The following SNX31 variants were observed in gnomAD, a reference collection of about 807,000 sequenced individuals.
SNX31 encodes sorting nexin-31.
SNX31 carries 58 observed loss-of-function variants against 65.4 expected under a neutral mutation model. The ratio of observed to expected loss-of-function variants is 0.89; its 90% confidence interval spans 0.72 to 1.10. The LOEUF is 1.10. Ranked by LOEUF, SNX31 falls within the 50% of genes least tolerant of loss-of-function variation. SNX31 has a pLI of 0.00. For synonymous variants in SNX31, 181 were observed against 190.1 expected, an observed-to-expected ratio of 0.95 and a Z score of 0.39; for missense variants, 523 against 529.7, an observed-to-expected ratio of 0.99 and a Z score of 0.12.
At chr8:100,587,027 C>T (rs191464974) in intron 11 of SNX31, among the ~76,000 whole-genome samples, 4 of 152,292 alleles carry the variant, frequency 2.6e-5, no homozygotes, top group Admixed American at 1.3e-4. Flanking sequence ...TAGTTGGCTA[C>T]CCAACAGCCA....
chr8:100,591,963 CA>C (rs1277898449), intron 10 of SNX31, among the ~76,000 whole-genome samples: 1 of 152,022 alleles, frequency 6.6e-6, no homozygotes, highest in African/African-American at 2.4e-5. Context: ...TAGCATGCCA[CA>C]AAAAATTACT....
chr8:100,612,162 A>G lies in SNX31; in HGVS notation c.524-75T>C. 1 of 859,286 alleles carries G rather than the reference A, an allele frequency of 1.2e-6. No homozygotes were observed. Among genetic ancestry groups the G allele is most frequent in the Non-Finnish European group, 1.9e-6 (1 of 524,794 alleles). The allele number at this position is 859,286 out of a possible 1,614,324, so 53.2% of individuals were successfully genotyped here. On this transcript the variant is annotated intron_variant, in intron 6 of 13. Transcript: ENST00000311812. The surrounding 1 kb of genome is among the most constrained non-coding windows in gnomAD (Gnocchi z 4.3). The stretch of plus-strand genomic sequence containing the variant: ...TTATATATAGCAGCTTTCAAATGAG[A>G]AAATAAAACCTTATTATTGGAAATA...
chr8:100,599,907 A>C (rs975270065), intron 9 of SNX31, among the ~76,000 whole-genome samples: 1 of 152,202 alleles, frequency 6.6e-6, no homozygotes, highest in Non-Finnish European at 1.5e-5. Context: ...TTCAGCCAGG[A>C]ACTGTACCAG....
chr8:100,632,589 T>G (rs1383406062), intron 3 of SNX31, among the ~76,000 whole-genome samples: 1 of 152,130 alleles, frequency 6.6e-6, no homozygotes, highest in Non-Finnish European at 1.5e-5. Flanking sequence ...TTTCTTGAGC[T>G]ACAAAGGACA....
At chr8:100,624,368 A>G (rs984023315) in intron 4 of SNX31, among the ~76,000 whole-genome samples, 3 of 152,204 alleles carry the variant, frequency 2.0e-5, no homozygotes, top group African/African-American at 7.2e-5. Context: ...GAAAGCTGTA[A>G]GATTTGAAAG....
chr8:100,605,325 G>A (rs752262671), intron 8 of SNX31, among the ~76,000 whole-genome samples: 2 of 152,138 alleles, frequency 1.3e-5, no homozygotes, highest in Non-Finnish European at 2.9e-5. Context: ...TCTGGGGAGA[G>A]CCAAGGCAGG....
chr8:100,607,864 C>T (rs559970420), intron 8 of SNX31, among the ~76,000 whole-genome samples: 16 of 152,198 alleles, frequency 1.1e-4, no homozygotes, highest in African/African-American at 2.4e-4. Flanking sequence ...AGTTGGTAAC[C>T]GCGATCATTA....
Position 100,612,905 on chromosome 8 carries a change from G to T in SNX31, c.523+90C>A. 4 of 1,079,062 alleles carry T rather than the reference G, an allele frequency of 3.7e-6. No individual in the cohort carries two copies. The Admixed American group carries it at 6.8e-5, about 18-fold the overall frequency. 66.8% of individuals were successfully genotyped at this position (1,079,062 alleles called of 1,614,324 possible). A position where few individuals can be genotyped will look rare whatever the true frequency, so the allele number is the denominator to read the frequency against. ...TGGTAGGGATCACAGCCCAGTGGGT[G>T]GCCAGCCCCTCAGCTGTGACTCCTA... On this transcript the variant is annotated intron_variant, in intron 6 of 13. Coordinates refer to ENST00000311812, the MANE Select transcript of SNX31 (RefSeq NM_152628.4). This position sits in a 1 kb window ranked among gnomAD's most constrained non-coding sequence, Gnocchi z 4.3.
chr8:100,634,110 C>T (rs1311141555), intron 3 of SNX31, among the ~76,000 whole-genome samples: 1 of 152,144 alleles, frequency 6.6e-6, no homozygotes, highest in African/African-American at 2.4e-5. Context: ...TCTTTAAGTG[C>T]CAGTTTTGCC....
intron 10 of SNX31, among the ~76,000 whole-genome samples, chr8:100,589,360 T>C (rs1814366330): frequency 6.6e-6 from 1 of 150,524 alleles, no homozygotes; most frequent in Non-Finnish European, 1.5e-5. Context: ...TGAGGGAGAC[T>C]GTCCCTATTT....
chr8:100,596,974 G>C (rs1253866948), intron 9 of SNX31, 132 bp from the exon 10 acceptor site: 4 of 752,942 alleles, frequency 5.3e-6, no homozygotes, highest in African/African-American at 5.2e-5. Flanking sequence ...CACAGTGAAA[G>C]CTCCTTTTCT....
intron 2 of SNX31, among the ~76,000 whole-genome samples, chr8:100,641,082 T>G (rs888383060): frequency 8.8e-6 from 1 of 113,976 alleles, no homozygotes; most frequent in Non-Finnish European, 1.8e-5. Flanking sequence ...TAAAACTGTT[T>G]CAAAAATTAA....
chr8:100,659,332 C>A (rs987103690), intron 1 of SNX31, among the ~76,000 whole-genome samples: 1 of 118,706 alleles, frequency 8.4e-6, no homozygotes. Context: ...CCAGCCTGGG[C>A]GACAGAGCAA....
At chr8:100,657,643 G>A (rs1820073152) in intron 1 of SNX31, 1 of 455,942 alleles carries the variant, frequency 2.2e-6, no homozygotes, top group Non-Finnish European at 4.4e-6. Context: ...GGAGGGCTTG[G>A]GAGCCAGTCT....
intron 2 of SNX31, among the ~76,000 whole-genome samples, chr8:100,647,246 G>C (rs1362554597): frequency 6.6e-6 from 1 of 152,114 alleles, no homozygotes; most frequent in Non-Finnish European, 1.5e-5. Flanking sequence ...ACTATTTTGA[G>C]AAATCTGGGA....
chr8:100,658,870 C>T (rs1408345825), intron 1 of SNX31, among the ~76,000 whole-genome samples: 1 of 152,188 alleles, frequency 6.6e-6, no homozygotes, highest in Non-Finnish European at 1.5e-5. Flanking sequence ...TTGATCACTC[C>T]TGGTGGGACC....
rs1359242792 is a variant in SNX31, at chr8:100,648,686, T to C, written c.141+588A>G. On this transcript the variant is annotated intron_variant, in intron 2 of 13. Coordinates refer to ENST00000311812, the MANE Select transcript of SNX31 (RefSeq NM_152628.4). The surrounding 1 kb of genome is among the most constrained non-coding windows in gnomAD (Gnocchi z 4.3). ...AAATCAGTCTGCCTCCCAGAGAAAATACTGTCAAGACAGCAGGGTGAGAAA... is the reference window on the plus strand; with the variant it reads ...AAATCAGTCTGCCTCCCAGAGAAAACACTGTCAAGACAGCAGGGTGAGAAA... Among the ~76,000 whole-genome samples, 1 of 152,046 alleles carries C rather than the reference T, an allele frequency of 6.6e-6. No individual in the cohort carries two copies. Among genetic ancestry groups the C allele is most frequent in the Non-Finnish European group, 1.5e-5 (1 of 68,016 alleles).
chr8:100,603,154 ATTC>A (rs1815804373), intron 8 of SNX31, among the ~76,000 whole-genome samples: 1 of 152,184 alleles, frequency 6.6e-6, no homozygotes, highest in Non-Finnish European at 1.5e-5. Context: ...TGTGTCCCCA[ATTC>A]TTCATCAAAC....
At chr8:100,637,296 A>C (rs1290411907) in intron 2 of SNX31, among the ~76,000 whole-genome samples, 2 of 152,250 alleles carry the variant, frequency 1.3e-5, no homozygotes, top group Admixed American at 6.5e-5. Context: ...CCTGAAAATA[A>C]GAGAAAGGAA....
Sources: allele counts gnomAD v4.1 joint callset (sites outside exome capture counted in the v4.1 genomes callset), GRCh38; gene constraint gnomAD v4.1.1; non-coding constraint Gnocchi (gnomAD v3.1); transcripts MANE v1.5; gene names NCBI Gene and HGNC (gene_info 2026-07-23, HGNC 2026-07-21).